The following UTP6 variants were observed in gnomAD, a reference collection of about 807,000 sequenced individuals.
UTP6 encodes the protein UTP6 small subunit processome component.
A neutral mutation model predicts 96.5 loss-of-function variants in UTP6; 60 were observed. The ratio of observed to expected loss-of-function variants is 0.62; its 90% CI spans 0.51 to 0.77. The LOEUF is 0.77. UTP6 is among the 30% of genes least tolerant of loss of function. The pLI is 0.00. For synonymous variants in UTP6, 215 were observed against 240.1 expected (o/e 0.90, Z 0.96); for missense variants, 637 against 706.5 (o/e 0.90, Z 1.12).
chr17:31,876,643 T>C (rs1291788585), intron 13 of UTP6, among the ~76,000 whole-genome samples: 1 of 150,564 alleles, frequency 6.6e-6, no homozygotes, highest in Non-Finnish European at 1.5e-5. Context: ...AAACTCCGTC[T>C]CAAAAAAATA....
At chr17:31,891,569 T>TAC (rs1911495181) in intron 6 of UTP6, among the ~76,000 whole-genome samples, 1 of 152,180 alleles carries the variant, frequency 6.6e-6, no homozygotes, top group African/African-American at 2.4e-5. Flanking sequence ...ACAAGAGAAA[T>TAC]ATTTCTCTTA....
intron 7 of UTP6, chr17:31,887,961 C>CAAAAAAAAAA (rs34260710): frequency 6.3e-5 from 4 of 63,330 alleles, no homozygotes; most frequent in Non-Finnish European, 1.2e-4. Flanking sequence ...GACTCCATCT[C>CAAAAAAAAAA]AAAAAAAAAA....
intron 7 of UTP6, chr17:31,887,970 A>T: frequency 6.6e-6 from 1 of 151,252 alleles, no homozygotes; most frequent in Admixed American, 6.6e-5. Context: ...TCAAAAAAAA[A>T]AAAAAAAAAA....
In UTP6 at chr17:31,863,324, A is replaced by G. The variant is rs780016648; in HGVS notation, c.*35T>C. The G allele has an allele frequency of 2.5e-6, 4 of 1,608,736 alleles. No individual in the cohort carries two copies. Among genetic ancestry groups the G allele is most frequent in the Non-Finnish European group, 3.4e-6 (4 of 1,177,654 alleles). ...AATTTGCCCACGGGGCTTGCTTGCA[A>G]TACTATTTCACAAAGCTGACTGTAT... On this transcript the variant is annotated 3_prime_UTR_variant, in exon 19 of 19. Coordinates refer to ENST00000261708, the MANE Select transcript of UTP6 (RefSeq NM_018428.3).
rs739799 is a variant in UTP6, at chr17:31,862,931, C to T, written c.*428G>A. ...CGAGATTAGAGATACTCATGCTTGA[C>T]CTGGGATAATTTTAAAAAAACCCAG... On this transcript the variant is annotated 3_prime_UTR_variant, in exon 19 of 19. Coordinates refer to ENST00000261708, the MANE Select transcript of UTP6 (RefSeq NM_018428.3). 0.011 allele frequency: 1,658 copies of T among 157,800 alleles called. 17 individuals carry two copies. Among genetic ancestry groups the T allele is most frequent in the Non-Finnish European group, 0.015 (1,077 of 71,194 alleles). 9.8% of individuals were successfully genotyped at this position (157,800 alleles called of 1,614,324 possible). A position where few individuals can be genotyped will look rare whatever the true frequency, so the allele number is the denominator to read the frequency against.
intron 17 of UTP6, among the ~76,000 whole-genome samples, chr17:31,867,280 G>A (rs1158790715): frequency 6.6e-6 from 1 of 152,140 alleles, no homozygotes. Context: ...GGCTGAGGGG[G>A]GCGGATCACC....
intron 5 of UTP6, 43 bp from the exon 6 acceptor site, chr17:31,892,366 C>A: frequency 6.4e-7 from 1 of 1,569,114 alleles, no homozygotes. Flanking sequence ...ACAGATAAAT[C>A]ATTGATCTTA....
At chr17:31,875,905 C>T (rs773074566) in intron 13 of UTP6, among the ~76,000 whole-genome samples, 26 of 151,894 alleles carry the variant, frequency 1.7e-4, no homozygotes, top group Non-Finnish European at 3.1e-4. Context: ...GTTAAACAGG[C>T]ACGAAGTGAA....
chr17:31,868,308 C>T (rs906554104), intron 16 of UTP6, among the ~76,000 whole-genome samples, 196 bp from the exon 17 acceptor site: 21 of 146,278 alleles, frequency 1.4e-4, no homozygotes, highest in African/African-American at 4.7e-4. Context: ...TCTTCATACC[C>T]AGTTCTTAGT....
In UTP6 at chr17:31,901,553, G is replaced by T. The variant is rs555281395; in HGVS notation, c.75C>A (p.Phe25Leu). 1.1e-5 allele frequency: 17 copies of T among 1,613,910 alleles called. No homozygotes were observed. In the African/African-American group the frequency reaches 1.5e-4, roughly 14 times the overall value. The change falls in exon 1 of 19, where the codon TTC (phenylalanine) becomes TTA (leucine). Residue 25 changes from phenylalanine (F) to leucine (L), a missense_variant. Coordinates refer to ENST00000261708, the MANE Select transcript of UTP6 (RefSeq NM_018428.3). ...ELEQLERIGLFSHAEIKAIIK... is the reference protein window; with the variant it reads ...ELEQLERIGLLSHAEIKAIIK... ...TCTCTCACTTAATCTCCGCATGACT[G>T]AACAGTCCAATGCGCTCCAGCTGTT...
chr17:31,875,835 A>AG (rs1003100911), intron 13 of UTP6, among the ~76,000 whole-genome samples: 1 of 151,724 alleles, frequency 6.6e-6, no homozygotes, highest in African/African-American at 2.4e-5. Flanking sequence ...AAAAAAAAAA[A>AG]AAAGAAAAGA....
rs546870970 is a variant in UTP6 at position 31,899,616 on chromosome 17, A to G, written c.177+30T>C. On this transcript the variant is annotated intron_variant, in intron 2 of 18. Transcript: ENST00000261708. ...TCTCACCAAAAAACAAAAAAGAAAA[A>G]AAGAAAGAAATTATTAATTACACAC... The G allele has an allele frequency of 1.0e-5, 16 of 1,537,322 alleles. 1 individual carries two copies. In the South Asian group the frequency reaches 1.9e-4, roughly 19 times the overall value.
chr17:31,895,070 A>G, intron 2 of UTP6, 59 bp from the exon 3 acceptor site: 3 of 1,302,828 alleles, frequency 2.3e-6, no homozygotes. Flanking sequence ...CCTTTTAAAT[A>G]CTGGAAATTT....
intron 14 of UTP6, among the ~76,000 whole-genome samples, chr17:31,874,549 A>G (rs1195238208): frequency 2.7e-5 from 1 of 37,668 alleles, no homozygotes; most frequent in Non-Finnish European, 5.1e-5. Flanking sequence ...TCATCTCAAA[A>G]AAAAGGAAAA....
At chr17:31,894,921 C>T in intron 3 of UTP6, 49 bp downstream of exon 3, 1 of 1,485,268 alleles carries the variant, frequency 6.7e-7, no homozygotes, top group Non-Finnish European at 9.3e-7. Context: ...TACAGCCATA[C>T]TGCTTAGTTC....
chr17:31,873,652 C>G, intron 15 of UTP6, 21 bp downstream of exon 15: 1 of 1,613,960 alleles, frequency 6.2e-7, no homozygotes, highest in Non-Finnish European at 8.5e-7. Context: ...CACCACAAGA[C>G]TTGGAACACG....
At chr17:31,901,244 ACT>A (rs1904964014) in intron 1 of UTP6, 1 of 412,046 alleles carries the variant, frequency 2.4e-6, no homozygotes, top group African/African-American at 2.0e-5. Context: ...CCCCCACCAC[ACT>A]CTGCCCAATT....
rs1007035742 is a variant in UTP6, at chr17:31,861,584, T to C, written c.*1775A>G. 3 of 151,802 alleles carry C rather than the reference T, an allele frequency of 2.0e-5. No individual in the cohort carries two copies. Among genetic ancestry groups the C allele is most frequent in the Non-Finnish European group, 2.9e-5 (2 of 67,982 alleles). 9.4% of individuals were successfully genotyped at this position (151,802 alleles called of 1,614,324 possible). A position where few individuals can be genotyped will look rare whatever the true frequency, so the allele number is the denominator to read the frequency against. On this transcript the variant is annotated 3_prime_UTR_variant, in exon 19 of 19. Coordinates refer to ENST00000261708, the MANE Select transcript of UTP6 (RefSeq NM_018428.3). ...GAGCCATGATCACACCACTGCACTC[T>C]AGCCTAGGTGACAAAGCAAGAACTT...
At position 31,878,336 on chromosome 17, in the gene UTP6, AG is replaced by A. The variant is rs746376644; in HGVS notation, c.1048-10del. On this transcript the variant is annotated splice_polypyrimidine_tract_variant and intron_variant, in intron 12 of 18. Transcript: ENST00000261708. ...ATGGTTCTTTCCAACCTCTGAAAAC[AG>A]AAAAATCCCTCAGTTCATTACAAAG... 1.6e-5 allele frequency: 26 copies of A among 1,613,978 alleles called. No individual in the cohort carries two copies. Among genetic ancestry groups the A allele is most frequent in the Non-Finnish European group, 2.1e-5 (25 of 1,179,962 alleles).
Sources: allele counts gnomAD v4.1 joint callset (sites outside exome capture counted in the v4.1 genomes callset), GRCh38; gene constraint gnomAD v4.1.1; transcripts MANE v1.5; gene names NCBI Gene and HGNC (gene_info 2026-07-23, HGNC 2026-07-21).